EIF2S1: variants seen among roughly 807,000 people sequenced by gnomAD.
EIF2S1 encodes eukaryotic translation initiation factor 2 subunit 1.
EIF2S1 carries 5 observed loss-of-function variants against 33.5 expected under a neutral mutation model. That is an observed-to-expected ratio of 0.15 (90% CI 0.08 to 0.31). The LOEUF is 0.31. Among genes scored for constraint, EIF2S1 ranks in the 10% least tolerant of loss-of-function variants. The probability of loss-of-function intolerance (pLI) is 1.00; values close to 1 mark genes in which losing one functional copy is unlikely to be tolerated. For missense variants in EIF2S1, 191 were observed against 384.6 expected (o/e 0.50, Z 4.21); for synonymous variants, 99 against 127.5 (o/e 0.78, Z 1.51).
chr14:67,362,032 CTTTTTTT>C (rs1233736237), intron 1 of EIF2S1, among the ~76,000 whole-genome samples: 1 of 91,420 alleles, frequency 1.1e-5, no homozygotes, highest in Non-Finnish European at 2.2e-5. Flanking sequence ...TTTCTTTTTT[CTTTTTTT>C]TTTTGAGACA....
At chr14:67,364,455 GAGGTATTCCTTTAATCCTT>G (rs1290713651) in intron 1 of EIF2S1, 2 of 237,828 alleles carry the variant, frequency 8.4e-6, no homozygotes, top group Non-Finnish European at 1.7e-5. Context: ...TTTTACTCTT[GAGGTATTCCTTTAATCCTT>G]AGGTCTTGGA....
chr14:67,374,810 TC>T (rs1294610833), intron 3 of EIF2S1, among the ~76,000 whole-genome samples: 1 of 152,214 alleles, frequency 6.6e-6, no homozygotes, highest in Admixed American at 6.5e-5. Context: ...TTCTATTTTG[TC>T]CAGGTTGGTC....
intron 1 of EIF2S1, among the ~76,000 whole-genome samples, chr14:67,361,744 AC>A (rs1407245589): frequency 6.6e-6 from 1 of 152,236 alleles, no homozygotes; most frequent in Non-Finnish European, 1.5e-5. Context: ...TTACATCAGA[AC>A]ACATAAGAGT....
chr14:67,372,444 A>G (rs12589671), intron 2 of EIF2S1, among the ~76,000 whole-genome samples: 23,602 of 152,210 alleles, frequency 0.16, 3,467 homozygotes, highest in East Asian at 0.42. Context: ...ATTGGACCTT[A>G]TCAAAATTAA....
In EIF2S1 at chr14:67,384,477, G is replaced by A. The variant is rs2085908044; in HGVS notation, c.*1037G>A. The A allele has an allele frequency of 6.6e-6, 1 of 151,902 alleles. No homozygotes were observed. Among genetic ancestry groups the A allele is most frequent in the South Asian group, 2.1e-4 (1 of 4,818 alleles). 9.4% of individuals were successfully genotyped at this position (151,902 alleles called of 1,614,324 possible). On this transcript the variant is annotated 3_prime_UTR_variant, in exon 8 of 8. Coordinates refer to ENST00000256383, the MANE Select transcript of EIF2S1 (RefSeq NM_004094.5). Reference sequence around the variant, plus strand: ...GAAGTTACAGCTACAGTAGTCAGGTGTAGAAAATCTTGAGTTGCTTTGGTC... The same window carrying A: ...GAAGTTACAGCTACAGTAGTCAGGTATAGAAAATCTTGAGTTGCTTTGGTC...
At chr14:67,381,543 T>C (rs186523156) in intron 5 of EIF2S1, 50 bp from the exon 6 acceptor site, 19 of 1,448,062 alleles carry the variant, frequency 1.3e-5, no homozygotes, top group Non-Finnish European at 1.7e-5. Context: ...CTTTAAACTT[T>C]TAAATATTTT....
chr14:67,365,097 T>TAA, intron 2 of EIF2S1, 89 bp downstream of exon 2: 6 of 1,227,086 alleles, frequency 4.9e-6, no homozygotes, highest in Non-Finnish European at 6.4e-6. Flanking sequence ...AGCTGCAGCT[T>TAA]AAAAAAAAAA....
At position 67,374,850 on chromosome 14, in the gene EIF2S1, A is replaced by G. The variant is rs565112051; in HGVS notation, c.321+303A>G. Among the ~76,000 whole-genome samples, 145 of 152,106 alleles carry G rather than the reference A, an allele frequency of 9.5e-4. 1 individual carries two copies. Among genetic ancestry groups the G allele is most frequent in the Non-Finnish European group, 1.8e-3 (124 of 68,010 alleles). On this transcript the variant is annotated intron_variant, in intron 3 of 7. Transcript: ENST00000256383. ...GACCCTGAGCTTCAAGTGATCCTTG[A>G]GCCTCAGCCCTCCAAAGTGCTGGGA... is the stretch of plus-strand genomic sequence containing the variant.
intron 4 of EIF2S1, among the ~76,000 whole-genome samples, chr14:67,377,144 T>C (rs1787268922): frequency 1.3e-5 from 2 of 152,216 alleles, no homozygotes; most frequent in East Asian, 1.9e-4. Context: ...CTGCCTTTTC[T>C]CTCTTATCCA....
chr14:67,379,589 A>G (rs1311936486), intron 4 of EIF2S1, among the ~76,000 whole-genome samples: 1 of 151,026 alleles, frequency 6.6e-6, no homozygotes, highest in African/African-American at 2.4e-5. Context: ...CCCCTTGCTT[A>G]TTAAGCCTGA....
In EIF2S1 at chr14:67,385,408, C is replaced by A. The variant is rs1416902457; in HGVS notation, c.*1968C>A. The A allele has an allele frequency of 4.7e-5, 7 of 147,792 alleles. No individual in the cohort carries two copies. In the East Asian group the frequency reaches 1.4e-3, roughly 29 times the overall value. The allele number at this position is 147,792 out of a possible 1,614,324, so 9.2% of individuals were successfully genotyped here. ...TGAGCTGTGATCACTCCAGTGCACT[C>A]GAGCCTGGGTGACAGGGCAAGACCC... On this transcript the variant is annotated 3_prime_UTR_variant, in exon 8 of 8. Coordinates refer to ENST00000256383, the MANE Select transcript of EIF2S1 (RefSeq NM_004094.5).
chr14:67,373,388 G>A (rs1360662172), intron 2 of EIF2S1, among the ~76,000 whole-genome samples: 1 of 152,156 alleles, frequency 6.6e-6, no homozygotes, highest in African/African-American at 2.4e-5. Context: ...TATATGAACA[G>A]AATATAGGAG....
intron 5 of EIF2S1, among the ~76,000 whole-genome samples, chr14:67,381,157 C>T (rs555311741): frequency 2.0e-5 from 3 of 152,278 alleles, no homozygotes; most frequent in African/African-American, 7.2e-5. Context: ...AGGAATCTTT[C>T]TCATTCTTTT....
intron 2 of EIF2S1, among the ~76,000 whole-genome samples, chr14:67,367,586 G>T (rs986506131): frequency 3.3e-5 from 5 of 152,226 alleles, no homozygotes; most frequent in African/African-American, 1.2e-4. Flanking sequence ...TCATAAATAC[G>T]GTGCATGGAA....
chr14:67,380,768 A>G lies in EIF2S1; in HGVS notation c.580+3A>G. The G allele has an allele frequency of 6.7e-7, 1 of 1,482,756 alleles. No homozygotes were observed. Among genetic ancestry groups the G allele is most frequent in the Non-Finnish European group, 9.0e-7 (1 of 1,108,836 alleles). The allele number at this position is 1,482,756 out of a possible 1,614,324, so 91.8% of individuals were successfully genotyped here. ...ACAGGCTGTCAAAATTCGAGCAGGTAAATGATTTTTTAAATGATTTTTACA... is the reference window on the plus strand; with the variant it reads ...ACAGGCTGTCAAAATTCGAGCAGGTGAATGATTTTTTAAATGATTTTTACA... On this transcript the variant is annotated splice_donor_region_variant and intron_variant, in intron 5 of 7. Coordinates refer to ENST00000256383, the MANE Select transcript of EIF2S1 (RefSeq NM_004094.5).
At chr14:67,373,137 A>T (rs1187363035) in intron 2 of EIF2S1, among the ~76,000 whole-genome samples, 1 of 152,218 alleles carries the variant, frequency 6.6e-6, no homozygotes, top group Non-Finnish European at 1.5e-5. Context: ...AGATAAAATT[A>T]ACATGTACTT....
intron 2 of EIF2S1, among the ~76,000 whole-genome samples, chr14:67,371,797 CTGA>C: frequency 6.6e-6 from 1 of 152,142 alleles, no homozygotes. Context: ...CATCATAACC[CTGA>C]TAAGAAAACC....
At chr14:67,382,658 TAA>T (rs747698327) in intron 7 of EIF2S1, 68 bp downstream of exon 7, 5 of 1,564,014 alleles carry the variant, frequency 3.2e-6, no homozygotes, top group Non-Finnish European at 4.4e-6. Flanking sequence ...TGTAGGTAAA[TAA>T]GAGCTGTCGG....
At chr14:67,366,103 A>C (rs73284892) in intron 2 of EIF2S1, among the ~76,000 whole-genome samples, 6 of 149,662 alleles carry the variant, frequency 4.0e-5, no homozygotes, top group African/African-American at 1.5e-4. Flanking sequence ...TTTTTTAAGA[A>C]TTGGGGTCTT....
Sources: allele counts gnomAD v4.1 joint callset (sites outside exome capture counted in the v4.1 genomes callset), GRCh38; gene constraint gnomAD v4.1.1; transcripts MANE v1.5; gene names NCBI Gene and HGNC (gene_info 2026-07-23, HGNC 2026-07-21).